COL4A4: variants seen among roughly 807,000 people sequenced by gnomAD.
COL4A4 encodes the protein collagen type IV alpha 4 chain.
A neutral mutation model predicts 192.9 loss-of-function variants in COL4A4; 105 were observed. That is an observed-to-expected ratio of 0.54 (90% CI 0.46 to 0.64). COL4A4 has a LOEUF of 0.64. Ranked by LOEUF, COL4A4 falls within the 30% of genes least tolerant of loss-of-function variation. COL4A4 has a pLI of 0.00. For missense variants in COL4A4, 1,967 were observed against 2,169.3 expected (o/e 0.91, Z 1.85); for synonymous variants, 762 against 769.9 (o/e 0.99, Z 0.17).
Position 227,045,791 on chromosome 2 carries a change from TATATATACAC to T in COL4A4, c.3289+1674_3289+1683del, listed in dbSNP as rs1236888222. Among the ~76,000 whole-genome samples, 10 of 57,442 alleles carry T rather than the reference TATATATACAC, an allele frequency of 1.7e-4. 2 individuals are homozygous for T. Among genetic ancestry groups the T allele is most frequent in the African/African-American group, 5.6e-4 (5 of 8,948 alleles). 37.7% of individuals were successfully genotyped at this position (57,442 alleles called of 152,430 possible). The stretch of plus-strand genomic sequence containing the variant: ...CTCAAAAAAAAAAAATACATATATA[TATATATACAC>T]ATATATATATATATACACATATATA... On this transcript the variant is annotated intron_variant, in intron 35 of 47. Transcript: ENST00000396625.
intron 20 of COL4A4, among the ~76,000 whole-genome samples, chr2:227,091,907 AAAG>A (rs1193526987): frequency 2.9e-4 from 23 of 80,562 alleles, no homozygotes; most frequent in African/African-American, 8.1e-4. Context: ...AAGAAAAAAG[AAAG>A]AAAGAAAGAA....
At chr2:226,990,240 C>CGGA in the COL4A4 span, among the ~76,000 whole-genome samples, 5 of 152,120 alleles carry the variant, frequency 3.3e-5, no homozygotes, top group South Asian at 2.1e-4. Context: ...ACTTAACAAC[C>CGGA]ATCCTTTCAG....
intron 37 of COL4A4, among the ~76,000 whole-genome samples, chr2:227,038,098 T>C (rs1970056603): frequency 6.6e-6 from 1 of 152,252 alleles, no homozygotes. Context: ...ATTTTGCCTT[T>C]TGTTGCCACT....
chr2:227,060,221 G>A lies in COL4A4; in HGVS notation c.2079C>T (p.Pro693=), dbSNP rs200010601. Residue 693 remains proline (P), a synonymous_variant, in exon 27 of 48, where the codon CCC becomes CCT. Coordinates refer to ENST00000396625, the MANE Select transcript of COL4A4 (RefSeq NM_000092.5). ...AACCACTCAGCCCAGGGGCACCTTG[G>A]GGACCTGGAAATCCCTTCGGACCTA... ...GPPGPKGFPG[P]QGAPGLSGSD... The A allele has an allele frequency of 8.4e-5, 135 of 1,612,412 alleles. No individual in the cohort carries two copies. The highest frequency in any genetic ancestry group is 1.8e-4 in the South Asian group (16 of 90,848).
At chr2:226,985,665 C>A in the COL4A4 span, among the ~76,000 whole-genome samples, 1 of 152,264 alleles carries the variant, frequency 6.6e-6, no homozygotes, top group Non-Finnish European at 1.5e-5. Context: ...GCGGCCTGGG[C>A]TCTGTGGGAA....
At position 227,078,152 on chromosome 2, in the gene COL4A4, A is replaced by G. The variant is rs546974079; in HGVS notation, c.1804-75T>C. On this transcript the variant is annotated intron_variant, in intron 24 of 47. Transcript: ENST00000396625. ...ACTCAAAGCAGTCATTGTAGGTTAC[A>G]GAAACACACGCAAAAGTCCATAATT... is the stretch of plus-strand genomic sequence containing the variant. The G allele has an allele frequency of 1.4e-5, 21 of 1,477,454 alleles. No homozygotes were observed. The South Asian group carries it at 2.5e-4, about 17-fold the overall frequency. 91.5% of individuals were successfully genotyped at this position (1,477,454 alleles called of 1,614,324 possible). A position where few individuals can be genotyped will look rare whatever the true frequency, so the allele number is the denominator to read the frequency against.
intron 4 of COL4A4, among the ~76,000 whole-genome samples, chr2:227,128,758 G>T (rs1204060278): frequency 1.3e-5 from 2 of 152,040 alleles, no homozygotes; most frequent in Non-Finnish European, 1.5e-5. Context: ...TCTCGCACGG[G>T]TTCCACAAGC....
At chr2:226,978,559 C>G in the COL4A4 span, among the ~76,000 whole-genome samples, 1 of 152,236 alleles carries the variant, frequency 6.6e-6, no homozygotes, top group Non-Finnish European at 1.5e-5. Context: ...TAGCACTCTA[C>G]ACCTCCTTCC....
In COL4A4 at chr2:227,060,126, C is replaced by CAAA; in HGVS notation, c.2164+9_2164+10insTTT. On this transcript the variant is annotated intron_variant, in intron 27 of 47. Coordinates refer to ENST00000396625, the MANE Select transcript of COL4A4 (RefSeq NM_000092.5). ...GAAAAAAAAAAAAAAAAAAAAAAAA[C>CAAA]CTCACTGACCAGGTGGACCTGGTAT... 65 of 438,468 alleles carry CAAA rather than the reference C, an allele frequency of 1.5e-4. No homozygotes were observed. Among genetic ancestry groups the CAAA allele is most frequent in the Middle Eastern group, 5.2e-4 (1 of 1,924 alleles). 27.2% of individuals were successfully genotyped at this position (438,468 alleles called of 1,614,324 possible).
At chr2:227,099,558 G>T in intron 18 of COL4A4, 62 bp downstream of exon 18, 1 of 1,458,088 alleles carries the variant, frequency 6.9e-7, no homozygotes, top group Non-Finnish European at 9.6e-7. Context: ...AGACTCTTCT[G>T]TCCTGGCCAC....
rs12475686 is a variant in COL4A4, at chr2:227,108,907, A to G, written c.658-39T>C. ...GAAAAAAACACAAATCAATCATCAG[A>G]CATAGAAATCAGAATGTGCCTTCTT... On this transcript the variant is annotated intron_variant, in intron 10 of 47. Transcript: ENST00000396625. The G allele has an allele frequency of 0.62, 995,487 of 1,597,318 alleles. 311,523 individuals carry two copies. The highest frequency in any genetic ancestry group is 0.64 in the Non-Finnish European group (741,444 of 1,167,146).
chr2:226,985,987 G>T, the COL4A4 span, among the ~76,000 whole-genome samples: 5 of 152,252 alleles, frequency 3.3e-5, no homozygotes, highest in Non-Finnish European at 7.3e-5. Context: ...TTATCTAAGT[G>T]GTCAAGGTTA....
intron 2 of COL4A4, among the ~76,000 whole-genome samples, chr2:227,145,804 T>C (rs2063511642): frequency 6.6e-6 from 1 of 152,200 alleles, no homozygotes; most frequent in Non-Finnish European, 1.5e-5. Context: ...GTCCAGCCCA[T>C]ACTTAATGGC....
intron 22 of COL4A4, 40 bp from the exon 23 acceptor site, chr2:227,082,227 A>G (rs1251197736): frequency 1.4e-6 from 2 of 1,454,514 alleles, no homozygotes; most frequent in African/African-American, 2.8e-5. Flanking sequence ...GTTAATTGTG[A>G]TGGATCAACA....
At chr2:227,021,955 G>A in intron 44 of COL4A4, 93 bp downstream of exon 44, 1 of 1,427,754 alleles carries the variant, frequency 7.0e-7, no homozygotes. Context: ...CAGTAGTTTA[G>A]GCTCCATATA....
In COL4A4 at chr2:227,041,886, G is replaced by GA. The variant is rs757910382; in HGVS notation, c.3505+261dup. Among the ~76,000 whole-genome samples, 447 of 145,500 alleles carry GA rather than the reference G, an allele frequency of 3.1e-3. 7 individuals carry two copies. The highest frequency in any genetic ancestry group is 0.011 in the African/African-American group (412 of 36,404). On this transcript the variant is annotated intron_variant, in intron 37 of 47. Coordinates refer to ENST00000396625, the MANE Select transcript of COL4A4 (RefSeq NM_000092.5). Reference sequence around the variant, plus strand: ...AGAAAGAAAGAAAGAAAGAAAGAAAGAAAGAAAGAAAGAAAGAAAGAAAGA... The same window carrying GA: ...AGAAAGAAAGAAAGAAAGAAAGAAAGAAAAGAAAGAAAGAAAGAAAGAAAGA...
At chr2:226,984,951 A>G in the COL4A4 span, among the ~76,000 whole-genome samples, 1 of 150,956 alleles carries the variant, frequency 6.6e-6, no homozygotes, top group African/African-American at 2.4e-5. Context: ...GAGGAGGGGC[A>G]GAAGCAAAGA....
At chr2:227,047,731 C>CCACA (rs71036155) in intron 34 of COL4A4, among the ~76,000 whole-genome samples, 182 bp from the exon 35 acceptor site, 1,687 of 146,328 alleles carry the variant, frequency 0.012, 24 homozygotes, top group East Asian at 0.027. Context: ...AATTTACATA[C>CCACA]CACACACACA....
At chr2:227,088,883 G>A (rs1427921083) in intron 21 of COL4A4, 67 bp from the exon 22 acceptor site, 33 of 1,552,748 alleles carry the variant, frequency 2.1e-5, no homozygotes, top group Non-Finnish European at 2.9e-5. Context: ...GGGCTTTACT[G>A]TACAAAACCA....
Sources: allele counts gnomAD v4.1 joint callset (sites outside exome capture counted in the v4.1 genomes callset), GRCh38; gene constraint gnomAD v4.1.1; transcripts MANE v1.5; gene names NCBI Gene and HGNC (gene_info 2026-07-23, HGNC 2026-07-21).